TMIE: variants seen among roughly 807,000 people sequenced by gnomAD.
TMIE encodes the protein transmembrane inner ear expressed protein.
TMIE carries 14 observed loss-of-function variants against 16.8 expected under a neutral mutation model. The observed-to-expected ratio is 0.83, with a 90% CI of 0.55 to 1.30. The LOEUF (loss-of-function observed/expected upper bound fraction) is 1.30. Among genes scored for constraint, TMIE ranks in the 50% most tolerant of loss-of-function variants. TMIE has a pLI of 0.00. For synonymous variants in TMIE, 75 were observed against 87.2 expected (o/e 0.86, Z 0.78); for missense variants, 204 against 205.9 (o/e 0.99, Z 0.06).
chr3:46,698,871 A>AG (rs1420098525), upstream of TMIE, among the ~76,000 whole-genome samples: 1 of 150,854 alleles, frequency 6.6e-6, no homozygotes, highest in Non-Finnish European at 1.5e-5. Flanking sequence ...TTAGAGAGAC[A>AG]GGGGTCTCAC....
chr3:46,709,291 C>T lies in TMIE; in HGVS notation c.361+16C>T. The stretch of plus-strand genomic sequence containing the variant: ...GTCCCAGGAGGTGAGTTGGCCCTGG[C>T]TTGAGCCCTGCTGCGCCAGCCAGTT... On this transcript the variant is annotated intron_variant, in intron 3 of 3. Transcript: ENST00000643606. The T allele has an allele frequency of 6.2e-6, 10 of 1,613,806 alleles. No homozygotes were observed. The highest frequency in any genetic ancestry group is 7.6e-6 in the Non-Finnish European group (9 of 1,179,992).
At chr3:46,708,187 C>T (rs1700576110) in intron 2 of TMIE, among the ~76,000 whole-genome samples, 1 of 152,168 alleles carries the variant, frequency 6.6e-6, no homozygotes, top group South Asian at 2.1e-4. Context: ...AGTAGGACCA[C>T]AATATTTGTC....
upstream of TMIE, among the ~76,000 whole-genome samples, chr3:46,700,203 G>A (rs151329012): frequency 2.6e-4 from 40 of 152,338 alleles, no homozygotes; most frequent in Non-Finnish European, 2.8e-4. Context: ...ACTGTTGAGC[G>A]TTTCCTCGAT....
chr3:46,709,461 A>T (rs1700593079), intron 3 of TMIE, 118 bp from the exon 4 acceptor site: 1 of 1,606,896 alleles, frequency 6.2e-7, no homozygotes, highest in African/African-American at 1.3e-5. Flanking sequence ...ATTCTCCAGT[A>T]GGAAGAAGGA....
chr3:46,697,497 C>T (rs548401501), upstream of TMIE, among the ~76,000 whole-genome samples: 2 of 152,210 alleles, frequency 1.3e-5, no homozygotes, highest in South Asian at 4.1e-4. Context: ...AAGCTCCATA[C>T]CCCTTCCTCC....
chr3:46,699,054 TTTC>T (rs1204941579), upstream of TMIE, among the ~76,000 whole-genome samples: 325 of 134,154 alleles, frequency 2.4e-3, 2 homozygotes, highest in Non-Finnish European at 3.9e-3. Context: ...TCAAATGGTG[TTTC>T]TTATTTTTTT....
At chr3:46,699,060 ATT>A (rs397951323), upstream of TMIE, among the ~76,000 whole-genome samples, 9 of 84,870 alleles carry the variant, frequency 1.1e-4, no homozygotes, top group South Asian at 4.3e-4. Context: ...GGTGTTTCTT[ATT>A]TTTTTTTTTT....
chr3:46,705,816 G>GCCGC lies in TMIE; in HGVS notation c.122_125dup (p.Pro43AlafsTer73), dbSNP rs876661301. 5.6e-6 allele frequency: 9 copies of GCCGC among 1,614,060 alleles called. No homozygotes were observed. The South Asian group carries it at 9.9e-5, about 18-fold the overall frequency. ...CCAGCACGGCCCCACCCAAGCCCAAGCCGCCTCCGCTGACCAAGGAGACAG... is the reference window on the plus strand; with the variant it reads ...CCAGCACGGCCCCACCCAAGCCCAAGCCGCCCGCCTCCGCTGACCAAGGAGACAG... On this transcript the variant is annotated frameshift_variant, in exon 2 of 4. Transcript: ENST00000643606. LOFTEE classifies it high-confidence loss of function.
In TMIE at chr3:46,705,817, C is replaced by T; in HGVS notation, c.121C>T (p.Pro41Ser). Residue 41 changes from proline to serine, a missense_variant, in exon 2 of 4, where the codon CCG becomes TCG. Coordinates refer to ENST00000643606, the MANE Select transcript of TMIE (RefSeq NM_147196.3). ...CAGCACGGCCCCACCCAAGCCCAAG[C>T]CGCCTCCGCTGACCAAGGAGACAGT... Reference protein sequence around the residue: ...EPSTAPPKPKPPPLTKETVVF... With the variant: ...EPSTAPPKPKSPPLTKETVVF... 1 of 1,614,096 alleles carries T rather than the reference C, an allele frequency of 6.2e-7. No homozygotes were observed. Among genetic ancestry groups the T allele is most frequent in the Non-Finnish European group, 8.5e-7 (1 of 1,180,038 alleles).
intron 2 of TMIE, among the ~76,000 whole-genome samples, chr3:46,708,141 G>T (rs1288686324): frequency 2.6e-5 from 4 of 152,140 alleles, no homozygotes; most frequent in African/African-American, 9.7e-5. Flanking sequence ...TTCATTCATT[G>T]ATTTTTTTCT....
chr3:46,708,525 G>A (rs943395606), intron 2 of TMIE, among the ~76,000 whole-genome samples: 1 of 152,256 alleles, frequency 6.6e-6, no homozygotes, highest in Non-Finnish European at 1.5e-5. Context: ...TGGCGTGGGT[G>A]CAGCTGCCCT....
upstream of TMIE, among the ~76,000 whole-genome samples, chr3:46,700,410 C>G (rs1411423087): frequency 6.6e-6 from 1 of 152,204 alleles, no homozygotes; most frequent in Non-Finnish European, 1.5e-5. Flanking sequence ...CCCTGGTTCT[C>G]AGGGCAGGCC....
rs764248175 is a variant in TMIE, at chr3:46,701,615, T to A, written c.93+35T>A. On this transcript the variant is annotated intron_variant, in intron 1 of 3. Coordinates refer to ENST00000643606, the MANE Select transcript of TMIE (RefSeq NM_147196.3). The surrounding 1 kb of genome is among the most constrained non-coding windows in gnomAD (Gnocchi z 4.3). The stretch of plus-strand genomic sequence containing the variant: ...CGGCACGGAGGGACTGGGGAGGCTG[T>A]CACCCTCCAGGCAGGGGGCTGGGGG... The A allele has an allele frequency of 1.3e-5, 17 of 1,266,428 alleles. No homozygotes were observed. Among genetic ancestry groups the A allele is most frequent in the Non-Finnish European group, 1.7e-5 (17 of 1,006,890 alleles). The allele number at this position is 1,266,428 out of a possible 1,614,324, so 78.4% of individuals were successfully genotyped here. A position where few individuals can be genotyped will look rare whatever the true frequency, so the allele number is the denominator to read the frequency against.
chr3:46,699,085 T>TTTG (rs1313752081), upstream of TMIE, among the ~76,000 whole-genome samples: 2 of 148,164 alleles, frequency 1.3e-5, no homozygotes, highest in Non-Finnish European at 3.0e-5. Flanking sequence ...TTTTTTTTTT[T>TTTG]TGAGACAGAG....
intron 2 of TMIE, among the ~76,000 whole-genome samples, chr3:46,706,377 G>A (rs537130757): frequency 8.0e-4 from 122 of 152,238 alleles, no homozygotes; most frequent in Non-Finnish European, 1.5e-3. Flanking sequence ...ACTCACACCC[G>A]CCTCAATTAA....
upstream of TMIE, among the ~76,000 whole-genome samples, chr3:46,694,140 G>A (rs1700338404): frequency 2.0e-5 from 3 of 152,172 alleles, no homozygotes. Context: ...GTGTGGGTTC[G>A]TGGAACTTGG....
chr3:46,709,726 C>A lies in TMIE; in HGVS notation c.*38C>A. Reference sequence around the variant, plus strand: ...CAGCTTGGGCTGGCGGGCCCTGGAGCTCAAGCCGTGGCCGGGGTCCAGGCA... The same window carrying A: ...CAGCTTGGGCTGGCGGGCCCTGGAGATCAAGCCGTGGCCGGGGTCCAGGCA... On this transcript the variant is annotated 3_prime_UTR_variant, in exon 4 of 4. Transcript: ENST00000643606. 1.9e-6 allele frequency: 3 copies of A among 1,613,054 alleles called. No homozygotes were observed. The highest frequency in any genetic ancestry group is 2.5e-6 in the Non-Finnish European group (3 of 1,179,666).
upstream of TMIE, chr3:46,701,334 G>A (rs527373499): frequency 1.2e-3 from 648 of 560,318 alleles, 1 homozygote; most frequent in African/African-American, 8.5e-3. This position sits in a 1 kb window ranked among gnomAD's most constrained non-coding sequence, Gnocchi z 4.3. Context: ...GCGGGGGCGG[G>A]CGGCGCGGGA....
At chr3:46,707,178 C>T (rs991938592) in intron 2 of TMIE, among the ~76,000 whole-genome samples, 7 of 152,176 alleles carry the variant, frequency 4.6e-5, no homozygotes, top group South Asian at 2.1e-4. Flanking sequence ...GGAAACAGCC[C>T]GCTGCAGGGC....
Sources: gnomAD v4.1 joint callset for allele counts (sites outside exome capture counted in the v4.1 genomes callset) on GRCh38, gnomAD v4.1.1 for gene constraint, Gnocchi (gnomAD v3.1) non-coding constraint, MANE v1.5 for transcripts, NCBI Gene and HGNC (gene_info 2026-07-23, HGNC 2026-07-21) for gene names.